The following ART1 variants were observed in gnomAD, a reference collection of about 807,000 sequenced individuals.
ART1 encodes GPI-linked NAD(P)(+)--arginine ADP-ribosyltransferase 1.
A neutral mutation model predicts 27.0 loss-of-function variants in ART1; 29 were observed. The ratio of observed to expected loss-of-function variants is 1.08; its 90% CI spans 0.80 to 1.47. The LOEUF is 1.47. Ranked by LOEUF, ART1 falls within the 40% of genes most tolerant of loss-of-function variation. The pLI is 0.00. For missense variants in ART1, 480 were observed against 423.0 expected (o/e 1.13, Z -1.18); for synonymous variants, 201 against 172.2 (o/e 1.17, Z -1.31).
Position 3,653,567 on chromosome 11 carries a change from C to G in ART1, c.-52-5595C>G, listed in dbSNP as rs113277143. ...TCTTTTCGGACTCAGTCCACCTGCA[C>G]TCAGGTGATTAAAAGCTTTATTGCT... On this transcript the variant is annotated intron_variant, in intron 1 of 4. Coordinates refer to ENST00000250693, the MANE Select transcript of ART1 (RefSeq NM_004314.3). Among the ~76,000 whole-genome samples, 713 of 152,204 alleles carry G rather than the reference C, an allele frequency of 4.7e-3. 5 individuals carry two copies. The highest frequency in any genetic ancestry group is 0.016 in the African/African-American group (682 of 41,456).
chr11:3,652,818 A>T (rs1039381067), intron 1 of ART1, among the ~76,000 whole-genome samples: 2 of 151,114 alleles, frequency 1.3e-5, no homozygotes, highest in African/African-American at 4.9e-5. Flanking sequence ...CTGCCACTCT[A>T]AACTCTTGAA....
At chr11:3,653,438 C>A (rs2098436851) in intron 1 of ART1, among the ~76,000 whole-genome samples, 1 of 148,364 alleles carries the variant, frequency 6.7e-6, no homozygotes, top group Non-Finnish European at 1.5e-5. Context: ...CACCTTGTGA[C>A]CCCCACTCTG....
At chr11:3,653,045 C>T (rs2077538166) in intron 1 of ART1, among the ~76,000 whole-genome samples, 1 of 148,162 alleles carries the variant, frequency 6.7e-6, no homozygotes, top group Admixed American at 6.7e-5. Flanking sequence ...AATATCACCC[C>T]TTACCACAAA....
chr11:3,663,425 T>C (rs987400798), intron 4 of ART1, among the ~76,000 whole-genome samples: 2 of 152,132 alleles, frequency 1.3e-5, no homozygotes, highest in African/African-American at 4.8e-5. Context: ...AGGAGCCAAG[T>C]TCAGCCACAG....
chr11:3,648,328 T>A (rs111418462), intron 1 of ART1, among the ~76,000 whole-genome samples: 237 of 152,318 alleles, frequency 1.6e-3, no homozygotes, highest in African/African-American at 5.5e-3. Context: ...CTGACTCAGA[T>A]CGGGGGACCT....
At position 3,651,269 on chromosome 11, in the gene ART1, T is replaced by C. The variant is rs532923834; in HGVS notation, c.-53+6090T>C. Among the ~76,000 whole-genome samples, 704 of 149,086 alleles carry C rather than the reference T, an allele frequency of 4.7e-3. 7 individuals are homozygous for C. Among genetic ancestry groups the C allele is most frequent in the African/African-American group, 0.017 (673 of 39,610 alleles). Reference sequence around the variant, plus strand: ...CACTTAGACTGACCCTGACACCCATTAGGCTCAGCAAATTACCTGGGCTGT... The same window carrying C: ...CACTTAGACTGACCCTGACACCCATCAGGCTCAGCAAATTACCTGGGCTGT... On this transcript the variant is annotated intron_variant, in intron 1 of 4. Coordinates refer to ENST00000250693, the MANE Select transcript of ART1 (RefSeq NM_004314.3).
chr11:3,650,304 C>T lies in ART1; in HGVS notation c.-53+5125C>T, dbSNP rs374861379. ...ATCTGTGTGGGACCCCACTGAAAATCGGACTGTTCAACTCACCTGGCAGCC... is the reference window on the plus strand; with the variant it reads ...ATCTGTGTGGGACCCCACTGAAAATTGGACTGTTCAACTCACCTGGCAGCC... On this transcript the variant is annotated intron_variant, in intron 1 of 4. Coordinates refer to ENST00000250693, the MANE Select transcript of ART1 (RefSeq NM_004314.3). 4.6e-4 allele frequency among the ~76,000 whole-genome samples: 70 copies of T among 152,312 alleles called. 1 individual carries two copies. The South Asian group carries it at 0.013, about 28-fold the overall frequency.
chr11:3,659,934 G>A lies in ART1; in HGVS notation c.415G>A (p.Gly139Ser). Residue 139 changes from glycine to serine, a missense_variant, in exon 3 of 5, where the codon GGC becomes AGC. Physicochemically the swap from Gly to Ser is moderately conservative, Grantham distance 56. Coordinates refer to ENST00000250693, the MANE Select transcript of ART1 (RefSeq NM_004314.3). ...GTTCAATGCAGCCGTGCGTGAGGCG[G>A]GCCGCTCCCGGGCCCACTACCTCCA... is the stretch of plus-strand genomic sequence containing the variant. ...KEFNAAVREAGRSRAHYLHHF... is the reference protein window; with the variant it reads ...KEFNAAVREASRSRAHYLHHF... The A allele has an allele frequency of 6.2e-7, 1 of 1,613,530 alleles. No homozygotes were observed. Among genetic ancestry groups the A allele is most frequent in the Non-Finnish European group, 8.5e-7 (1 of 1,179,800 alleles).
chr11:3,659,271 C>T lies in ART1; in HGVS notation c.58C>T (p.Leu20Phe). 1 of 1,614,182 alleles carries T rather than the reference C, an allele frequency of 6.2e-7. No homozygotes were observed. Among genetic ancestry groups the T allele is most frequent in the Non-Finnish European group, 8.5e-7 (1 of 1,180,052 alleles). Residue 20 changes from leucine (L) to phenylalanine (F), a missense_variant, in exon 2 of 5, where the codon CTT (leucine) becomes TTT (phenylalanine). Transcript: ENST00000250693. ...LLVSVGLMEA[L>F]QAQSHPITRR... is the part of the protein sequence containing the mutation. ...TGTGTCTGTGGGCCTCATGGAAGCACTTCAGGTATGGGCATCCCCCACTGT... is the reference window on the plus strand; with the variant it reads ...TGTGTCTGTGGGCCTCATGGAAGCATTTCAGGTATGGGCATCCCCCACTGT...
chr11:3,651,215 C>T (rs1484516778), intron 1 of ART1, among the ~76,000 whole-genome samples: 1 of 142,198 alleles, frequency 7.0e-6, no homozygotes, highest in Non-Finnish European at 1.5e-5. Context: ...TATTCCTTTT[C>T]ACCCTTCATC....
intron 1 of ART1, among the ~76,000 whole-genome samples, chr11:3,646,398 G>C (rs2077470152): frequency 6.6e-6 from 1 of 152,122 alleles, no homozygotes; most frequent in South Asian, 2.1e-4. Context: ...ACGAATGATT[G>C]ACTGAATGGA....
In ART1 at chr11:3,660,119, T is replaced by TGCTC. The variant is rs759245792; in HGVS notation, c.603_604insCGCT (p.Ser202ArgfsTer15). On this transcript the variant is annotated frameshift_variant, in exon 3 of 5. Transcript: ENST00000250693. LOFTEE classifies it high-confidence loss of function. ...GGGCCACCGTGAGGCTGGGGGGCTT[T>TGCTC]GCTTCTGCCTCCCTGAAGCATGTTG... The TGCTC allele has an allele frequency of 1.2e-6, 2 of 1,613,906 alleles. No individual in the cohort carries two copies. The highest frequency in any genetic ancestry group is 1.7e-6 in the Non-Finnish European group (2 of 1,180,004).
intron 1 of ART1, among the ~76,000 whole-genome samples, chr11:3,647,446 G>A (rs1025764822): frequency 6.6e-6 from 1 of 152,002 alleles, no homozygotes; most frequent in Non-Finnish European, 1.5e-5. Context: ...GAACAGCTTG[G>A]TCAACATGGC....
rs777059550 is a variant in ART1 at position 3,660,210 on chromosome 11, G to T, written c.691G>T (p.Gly231Cys). ...IWTCLGAPIK[G>C]YSFFPGEEEV... ...GACCTGCCTTGGGGCCCCTATCAAG[G>T]GCTACTCCTTCTTCCCTGGAGAGGA... The change falls in exon 3 of 5, where the codon GGC becomes TGC. Residue 231 changes from glycine (G) to cysteine (C), a missense_variant. Physicochemically the swap from Gly to Cys is radical, Grantham distance 159. Coordinates refer to ENST00000250693, the MANE Select transcript of ART1 (RefSeq NM_004314.3). 1 of 1,614,050 alleles carries T rather than the reference G, an allele frequency of 6.2e-7. No individual in the cohort carries two copies. Among genetic ancestry groups the T allele is most frequent in the East Asian group, 2.2e-5 (1 of 44,872 alleles).
At chr11:3,655,833 C>A (rs541876892) in intron 1 of ART1, among the ~76,000 whole-genome samples, 2 of 152,032 alleles carry the variant, frequency 1.3e-5, no homozygotes, top group East Asian at 3.9e-4. Context: ...CCACCTGAGC[C>A]CATGACTGGA....
At chr11:3,660,503 C>T in intron 3 of ART1, 140 bp downstream of exon 3, 1 of 1,026,016 alleles carries the variant, frequency 9.7e-7, no homozygotes, top group Non-Finnish European at 1.4e-6. Flanking sequence ...CTCCCAACCC[C>T]TTCCATCTAA....
At chr11:3,646,202 G>A (rs72844332) in intron 1 of ART1, among the ~76,000 whole-genome samples, 5,003 of 152,196 alleles carry the variant, frequency 0.033, 108 homozygotes, top group Non-Finnish European at 0.049. Context: ...GACCAGAGTC[G>A]CGCTTTAGAA....
chr11:3,645,542 C>A (rs2077464950), intron 1 of ART1, among the ~76,000 whole-genome samples: 1 of 152,200 alleles, frequency 6.6e-6, no homozygotes, highest in Non-Finnish European at 1.5e-5. Flanking sequence ...CCGGTTCCCA[C>A]CACATCTCCC....
intron 4 of ART1, chr11:3,663,864 G>A (rs2077640790): frequency 2.0e-6 from 1 of 501,510 alleles, no homozygotes; most frequent in Non-Finnish European, 3.6e-6. Context: ...CAACTTTAGT[G>A]ACACTGGTGT....
Sources: allele counts gnomAD v4.1 joint callset (sites outside exome capture counted in the v4.1 genomes callset), GRCh38; gene constraint gnomAD v4.1.1; transcripts MANE v1.5; gene names NCBI Gene and HGNC (gene_info 2026-07-23, HGNC 2026-07-21).